The following HLCS variants were observed in gnomAD, a reference collection of about 807,000 sequenced individuals.
The protein encoded by HLCS is biotin--protein ligase.
A neutral mutation model predicts 75.0 loss-of-function variants in HLCS; 53 were observed. The ratio of observed to expected loss-of-function variants is 0.71; its 90% CI spans 0.57 to 0.89. The LOEUF (loss-of-function observed/expected upper bound fraction) is 0.89, where lower values mean the gene tolerates loss of function less well. Ranked by LOEUF, HLCS falls within the 40% of genes least tolerant of loss-of-function variation. The pLI, the probability that HLCS is intolerant of heterozygous loss-of-function variation, is 0.00. For synonymous variants in HLCS, 431 were observed against 428.6 expected (o/e 1.01, Z -0.07); for missense variants, 966 against 1,074.0 (o/e 0.90, Z 1.41).
chr21:36,898,786 C>T (rs577285836), intron 5 of HLCS, among the ~76,000 whole-genome samples: 1 of 152,208 alleles, frequency 6.6e-6, no homozygotes, highest in African/African-American at 2.4e-5. Context: ...GGGGGCCAGG[C>T]GCAGTGGCTC....
chr21:36,866,365 A>G (rs2063555819), intron 6 of HLCS, among the ~76,000 whole-genome samples: 1 of 152,220 alleles, frequency 6.6e-6, no homozygotes, highest in Non-Finnish European at 1.5e-5. Context: ...GATTATGAAT[A>G]TTATCTTATA....
chr21:36,871,254 C>A (rs566577339), intron 6 of HLCS, among the ~76,000 whole-genome samples: 40 of 152,172 alleles, frequency 2.6e-4, no homozygotes, highest in African/African-American at 8.9e-4. Flanking sequence ...TTTCAGAAAA[C>A]GAGAATACAG....
chr21:36,763,554 T>C (rs1457617122), intron 8 of HLCS, among the ~76,000 whole-genome samples: 1 of 152,172 alleles, frequency 6.6e-6, no homozygotes, highest in Non-Finnish European at 1.5e-5. Context: ...ACAGAGGGAT[T>C]TAAGGGGCAG....
In HLCS at chr21:36,753,223, A is replaced by G. The variant is rs920572949; in HGVS notation, c.*1023T>C. 9.8e-5 allele frequency: 15 copies of G among 152,668 alleles called. No individual in the cohort carries two copies. The highest frequency in any genetic ancestry group is 3.4e-4 in the African/African-American group (14 of 41,460). The allele number at this position is 152,668 out of a possible 1,614,324, so 9.5% of individuals were successfully genotyped here. A position where few individuals can be genotyped will look rare whatever the true frequency, so the allele number is the denominator to read the frequency against. On this transcript the variant is annotated 3_prime_UTR_variant, in exon 11 of 11. Coordinates refer to ENST00000674895, the MANE Select transcript of HLCS (RefSeq NM_001352514.2). The surrounding 1 kb of genome is among the most constrained non-coding windows in gnomAD (Gnocchi z 4.3). ...TCTGAACTGATGGTGTTTAGTATCG[A>G]TAACATTTTCTTTCTTGGTAATACG... is the stretch of plus-strand genomic sequence containing the variant.
chr21:36,845,268 T>C (rs1293327183), intron 6 of HLCS, among the ~76,000 whole-genome samples: 5 of 152,132 alleles, frequency 3.3e-5, no homozygotes, highest in Admixed American at 1.3e-4. Context: ...GGTTCCATAT[T>C]ACCAGGGAGG....
chr21:36,796,729 G>C (rs959322462), intron 6 of HLCS, among the ~76,000 whole-genome samples: 27 of 152,206 alleles, frequency 1.8e-4, no homozygotes, highest in African/African-American at 5.8e-4. Flanking sequence ...TCTACTGAGG[G>C]ATATGTGGGG....
At chr21:36,931,005 C>T (rs1401734468) in intron 4 of HLCS, among the ~76,000 whole-genome samples, 1 of 152,136 alleles carries the variant, frequency 6.6e-6, no homozygotes, top group Non-Finnish European at 1.5e-5. Flanking sequence ...TATCTAGGGC[C>T]GGGAGCGGTG....
intron 6 of HLCS, among the ~76,000 whole-genome samples, chr21:36,837,115 G>T (rs3787763): frequency 6.6e-6 from 1 of 152,018 alleles, no homozygotes; most frequent in Non-Finnish European, 1.5e-5. Flanking sequence ...CCTGGGAGGC[G>T]GAGGTTGCAG....
chr21:36,962,567 C>G (rs1018468199), intron 1 of HLCS, among the ~76,000 whole-genome samples: 4 of 151,874 alleles, frequency 2.6e-5, no homozygotes, highest in Non-Finnish European at 4.4e-5. Flanking sequence ...GTGGGCAGAT[C>G]GCTTGAGCCC....
chr21:36,924,904 T>G (rs960245776), intron 5 of HLCS, among the ~76,000 whole-genome samples: 1 of 152,124 alleles, frequency 6.6e-6, no homozygotes, highest in Non-Finnish European at 1.5e-5. Context: ...TATCAACGTC[T>G]GAAAAGCAGC....
intron 6 of HLCS, among the ~76,000 whole-genome samples, chr21:36,776,166 G>A (rs1048040506): frequency 6.6e-6 from 1 of 152,134 alleles, no homozygotes; most frequent in Non-Finnish European, 1.5e-5. Flanking sequence ...AAAGTTACAG[G>A]AAGAGTACAA....
chr21:36,917,232 C>T (rs1199905519), intron 5 of HLCS, among the ~76,000 whole-genome samples: 2 of 152,154 alleles, frequency 1.3e-5, no homozygotes, highest in African/African-American at 4.8e-5. Flanking sequence ...AAGAAACAGC[C>T]TTCATAAAGA....
At chr21:36,963,725 C>T (rs895774481) in intron 1 of HLCS, among the ~76,000 whole-genome samples, 4 of 152,158 alleles carry the variant, frequency 2.6e-5, no homozygotes, top group African/African-American at 9.7e-5. Flanking sequence ...GCACTCTAGC[C>T]TGGGCAACAA....
At chr21:36,817,140 G>A (rs2061687524) in intron 6 of HLCS, among the ~76,000 whole-genome samples, 1 of 152,184 alleles carries the variant, frequency 6.6e-6, no homozygotes, top group Non-Finnish European at 1.5e-5. Context: ...GATAACGGAT[G>A]CATTACATAC....
chr21:36,894,097 T>C (rs2064907676), intron 6 of HLCS, among the ~76,000 whole-genome samples: 1 of 152,114 alleles, frequency 6.6e-6, no homozygotes, highest in Admixed American at 6.5e-5. Context: ...TGAGTTCTCA[T>C]GAGATCTGGT....
In HLCS at chr21:36,871,592, T is replaced by C. The variant is rs115266752; in HGVS notation, c.1892+25268A>G. On this transcript the variant is annotated intron_variant, in intron 6 of 10. Transcript: ENST00000674895. ...ACTGATTTTTATTATACCATAGCAC[T>C]TGAAAAAACTGTCCACAGTTATTTG... is the stretch of plus-strand genomic sequence containing the variant. Among the ~76,000 whole-genome samples, 893 of 152,248 alleles carry C rather than the reference T, an allele frequency of 5.9e-3. 8 individuals carry two copies. The highest frequency in any genetic ancestry group is 0.02 in the African/African-American group (848 of 41,534).
At chr21:36,894,316 G>A (rs770365275) in intron 6 of HLCS, among the ~76,000 whole-genome samples, 7 of 152,112 alleles carry the variant, frequency 4.6e-5, no homozygotes, top group Non-Finnish European at 7.4e-5. Flanking sequence ...ATAGCAATGC[G>A]AGAACGAACT....
At chr21:36,857,151 T>C (rs1260106498) in intron 6 of HLCS, among the ~76,000 whole-genome samples, 1 of 152,228 alleles carries the variant, frequency 6.6e-6, no homozygotes, top group East Asian at 1.9e-4. Context: ...TATGGAGGTC[T>C]GTTTGAAAAC....
chr21:36,902,552 C>T (rs1168740452), intron 5 of HLCS, among the ~76,000 whole-genome samples: 1 of 152,238 alleles, frequency 6.6e-6, no homozygotes, highest in East Asian at 1.9e-4. Flanking sequence ...TGCTCCACAG[C>T]TGCAGGGAGG....
Sources: gnomAD v4.1 joint callset for allele counts (sites outside exome capture counted in the v4.1 genomes callset) on GRCh38, gnomAD v4.1.1 for gene constraint, Gnocchi (gnomAD v3.1) non-coding constraint, MANE v1.5 for transcripts, NCBI Gene and HGNC (gene_info 2026-07-23, HGNC 2026-07-21) for gene names.